Variants in DHRS7B observed in about 807,000 individuals in gnomAD.
DHRS7B encodes dehydrogenase/reductase 7B.
A neutral mutation model predicts 26.4 loss-of-function variants in DHRS7B; 24 were observed. That is an observed-to-expected ratio of 0.91 (90% confidence interval 0.66 to 1.28). DHRS7B has a LOEUF of 1.28. Ranked by LOEUF, DHRS7B falls within the 50% of genes most tolerant of loss-of-function variation. The pLI is 0.00. For missense variants in DHRS7B, 368 were observed against 419.4 expected, an observed-to-expected ratio of 0.88 and a Z score of 1.07; for synonymous variants, 142 against 166.4, an observed-to-expected ratio of 0.85 and a Z score of 1.13.
At position 21,188,900 on chromosome 17, in the gene DHRS7B, G is replaced by A. The variant is rs1974714113; in HGVS notation, c.772+37G>A. Reference sequence around the variant, plus strand: ...TTTCTCTTTTCTCCTATGAAAATCTGTCGGTCAGCCACAGTGAGACATGCT... The same window carrying A: ...TTTCTCTTTTCTCCTATGAAAATCTATCGGTCAGCCACAGTGAGACATGCT... On this transcript the variant is annotated intron_variant, in intron 6 of 6. Transcript: ENST00000395511. The A allele has an allele frequency of 4.3e-6, 7 of 1,613,326 alleles. No individual in the cohort carries two copies. In the East Asian group the frequency reaches 8.9e-5, roughly 21 times the overall value.
At position 21,184,379 on chromosome 17, in the gene DHRS7B, C is replaced by CCCT. The variant is rs776672008; in HGVS notation, c.538_540dup (p.Ser180dup). The stretch of plus-strand genomic sequence containing the variant: ...TCTGCATCTGTCCTCAGCACTCCTG[C>CCCT]CCTCCATGATCAAGAGGAGGCAAGG... On this transcript the variant is annotated inframe_insertion, in exon 5 of 7. Transcript: ENST00000395511. 2 of 1,614,054 alleles carry CCCT rather than the reference C, an allele frequency of 1.2e-6. No homozygotes were observed. Among genetic ancestry groups the CCCT allele is most frequent in the East Asian group, 4.5e-5 (2 of 44,888 alleles).
intron 1 of DHRS7B, among the ~76,000 whole-genome samples, chr17:21,129,364 C>G (rs73305675): frequency 0.027 from 4,123 of 151,978 alleles, 176 homozygotes; most frequent in African/African-American, 0.092. Context: ...GAGGGAAGGG[C>G]ATGTGTGAGG....
intron 1 of DHRS7B, among the ~76,000 whole-genome samples, chr17:21,156,331 C>T (rs945229516): frequency 2.0e-5 from 3 of 152,214 alleles, no homozygotes; most frequent in Middle Eastern, 3.4e-3. Flanking sequence ...TGTAGCCGGG[C>T]GTGGGGGTTC....
At chr17:21,183,152 T>C (rs1199264506) in intron 3 of DHRS7B, among the ~76,000 whole-genome samples, 1 of 152,166 alleles carries the variant, frequency 6.6e-6, no homozygotes, top group African/African-American at 2.4e-5. Context: ...TTTATTCTAG[T>C]TTTTCTAACT....
At chr17:21,130,789 CCCA>C (rs1234319978) in intron 1 of DHRS7B, among the ~76,000 whole-genome samples, 1 of 152,058 alleles carries the variant, frequency 6.6e-6, no homozygotes, top group African/African-American at 2.4e-5. Flanking sequence ...ATTATTCATT[CCCA>C]CCCCATTATA....
At chr17:21,183,561 G>T in intron 3 of DHRS7B, 33 bp from the exon 4 acceptor site, 1 of 1,605,442 alleles carries the variant, frequency 6.2e-7, no homozygotes. Flanking sequence ...CTGCCACTCA[G>T]AAAGTGAATT....
intron 1 of DHRS7B, among the ~76,000 whole-genome samples, chr17:21,133,385 C>G (rs536762292): frequency 6.7e-6 from 1 of 150,072 alleles, no homozygotes; most frequent in South Asian, 2.2e-4. Flanking sequence ...ACTTTAATTC[C>G]ATCTAGAAAG....
intron 1 of DHRS7B, among the ~76,000 whole-genome samples, chr17:21,170,388 C>G (rs1033329055): frequency 2.0e-5 from 3 of 152,210 alleles, no homozygotes; most frequent in Admixed American, 6.5e-5. Context: ...AGAACTTCCT[C>G]TTGGGGCAGG....
chr17:21,160,416 A>C (rs1973976223), intron 1 of DHRS7B, among the ~76,000 whole-genome samples: 1 of 152,214 alleles, frequency 6.6e-6, no homozygotes. Context: ...AATGGACAAA[A>C]GATCTGAAGA....
At chr17:21,154,677 A>C (rs552025378) in intron 1 of DHRS7B, among the ~76,000 whole-genome samples, 1 of 152,328 alleles carries the variant, frequency 6.6e-6, no homozygotes, top group African/African-American at 2.4e-5. Context: ...CTAACAGATA[A>C]AAGTTTGTTC....
Position 21,172,062 on chromosome 17 carries a change from C to T in DHRS7B, c.65C>T (p.Thr22Ile), listed in dbSNP as rs1311956006. 1.9e-6 allele frequency: 3 copies of T among 1,614,118 alleles called. No individual in the cohort carries two copies. The highest frequency in any genetic ancestry group is 2.7e-5 in the African/African-American group (2 of 74,940). The part of the protein sequence containing the change: ...KVKAMDFITS[T>I]AILPLLFGCL... Reference sequence around the variant, plus strand: ...AAGGCCATGGACTTCATCACCTCCACAGCCATCCTGCCCCTGCTGTTCGGC... The same window carrying T: ...AAGGCCATGGACTTCATCACCTCCATAGCCATCCTGCCCCTGCTGTTCGGC... Residue 22 changes from threonine to isoleucine, a missense_variant, in exon 2 of 7, where the codon ACA becomes ATA. Physicochemically the swap from Thr to Ile is moderately conservative, Grantham distance 89. Coordinates refer to ENST00000395511, the MANE Select transcript of DHRS7B (RefSeq NM_015510.5).
intron 1 of DHRS7B, among the ~76,000 whole-genome samples, chr17:21,147,211 A>G (rs1372320008): frequency 6.6e-6 from 1 of 152,114 alleles, no homozygotes; most frequent in Non-Finnish European, 1.5e-5. Flanking sequence ...ATCTCAGGAC[A>G]TTTTAAACGC....
chr17:21,138,075 A>AAAAAAAAAATATAT (rs1238830544), intron 1 of DHRS7B, among the ~76,000 whole-genome samples: 12 of 33,214 alleles, frequency 3.6e-4, no homozygotes, highest in African/African-American at 1.5e-3. Context: ...TTAAAAAAAA[A>AAAAAAAAAATATAT]ATATATATAT....
At chr17:21,147,416 T>C (rs1319426671) in intron 1 of DHRS7B, among the ~76,000 whole-genome samples, 1 of 152,172 alleles carries the variant, frequency 6.6e-6, no homozygotes. Context: ...AGAAGCAAGC[T>C]GACTTCACTC....
At chr17:21,132,186 A>G (rs559338038) in intron 1 of DHRS7B, among the ~76,000 whole-genome samples, 2 of 152,138 alleles carry the variant, frequency 1.3e-5, no homozygotes, top group African/African-American at 2.4e-5. Context: ...CAGAAACAGC[A>G]AAGTGACATA....
chr17:21,140,538 A>ACACACACACACACACACACACC (rs972677956), intron 1 of DHRS7B, among the ~76,000 whole-genome samples: 93 of 134,840 alleles, frequency 6.9e-4, no homozygotes, highest in African/African-American at 1.2e-3. Flanking sequence ...ACACACACAC[A>ACACACACACACACACACACACC]CCCTGACACC....
chr17:21,178,379 C>T (rs776634023), intron 3 of DHRS7B, 37 bp downstream of exon 3: 15 of 1,563,888 alleles, frequency 9.6e-6, no homozygotes, highest in Non-Finnish European at 1.3e-5. Context: ...GGAAGGAGTG[C>T]AGGCCGTCTT....
intron 1 of DHRS7B, among the ~76,000 whole-genome samples, chr17:21,143,761 G>A (rs1973580197): frequency 6.6e-6 from 1 of 152,232 alleles, no homozygotes; most frequent in South Asian, 2.1e-4. Flanking sequence ...CAAAAGAGTT[G>A]TAGTTATTGC....
At chr17:21,159,538 A>C (rs1294913476) in intron 1 of DHRS7B, among the ~76,000 whole-genome samples, 1 of 151,770 alleles carries the variant, frequency 6.6e-6, no homozygotes, top group East Asian at 1.9e-4. Context: ...TACAGGCGTG[A>C]GCCACCGCAC....
Sources: gnomAD v4.1 joint callset for allele counts (sites outside exome capture counted in the v4.1 genomes callset) on GRCh38, gnomAD v4.1.1 for gene constraint, MANE v1.5 for transcripts, NCBI Gene and HGNC (gene_info 2026-07-23, HGNC 2026-07-21) for gene names.